Variants in WASF3 observed in about 807,000 individuals in gnomAD.
WASF3 encodes WASP family member 3.
In WASF3, 11 loss-of-function variants were observed where a neutral mutation model predicts 46.6. The ratio of observed to expected loss-of-function variants is 0.24; its 90% CI spans 0.15 to 0.39. The LOEUF (loss-of-function observed/expected upper bound fraction) is 0.39, where lower values mean the gene tolerates loss of function less well. WASF3 is among the 10% of genes least tolerant of loss of function. The pLI, the probability that WASF3 is intolerant of heterozygous loss-of-function variation, is 1.00. For missense variants in WASF3, 576 were observed against 669.8 expected, an observed-to-expected ratio of 0.86 and a Z score of 1.55; for synonymous variants, 242 against 259.7, an observed-to-expected ratio of 0.93 and a Z score of 0.65.
rs1440677370 is a variant in WASF3 at position 26,686,525 on chromosome 13, G to T, written c.*680G>T. On this transcript the variant is annotated 3_prime_UTR_variant, in exon 10 of 10. Coordinates refer to ENST00000335327, the MANE Select transcript of WASF3 (RefSeq NM_006646.6). ...TTTGCTTAGTAAATGCCTGTTGATG[G>T]TTTTTGCAAGAGAATTCAGCAGCTC... 6.6e-6 allele frequency: 1 copy of T among 152,240 alleles called. No individual in the cohort carries two copies. The highest frequency in any genetic ancestry group is 1.5e-5 in the Non-Finnish European group (1 of 68,060). The allele number at this position is 152,240 out of a possible 1,614,324, so 9.4% of individuals were successfully genotyped here. A position where few individuals can be genotyped will look rare whatever the true frequency, so the allele number is the denominator to read the frequency against.
chr13:26,619,620 G>A (rs1381876118), intron 2 of WASF3: 2 of 151,874 alleles, frequency 1.3e-5, no homozygotes, highest in African/African-American at 4.9e-5. Context: ...GAGTAAGATA[G>A]GGGGTCTGAA....
chr13:26,552,842 C>T (rs1207072652), upstream of WASF3, among the ~76,000 whole-genome samples: 3 of 152,196 alleles, frequency 2.0e-5, no homozygotes, highest in East Asian at 5.8e-4. Context: ...ATTGTTTTTC[C>T]ACTAAAGACT....
chr13:26,566,941 A>G (rs1327976892), intron 1 of WASF3, among the ~76,000 whole-genome samples: 1 of 152,242 alleles, frequency 6.6e-6, no homozygotes, highest in Non-Finnish European at 1.5e-5. Flanking sequence ...TTCACCATGC[A>G]TAAAGAAGAT....
intron 1 of WASF3, among the ~76,000 whole-genome samples, chr13:26,574,804 C>T (rs568392621): frequency 6.6e-6 from 1 of 150,546 alleles, no homozygotes; most frequent in Non-Finnish European, 1.5e-5. Context: ...CTAATAGTAC[C>T]ATTGAATTCG....
the WASF3 span, among the ~76,000 whole-genome samples, chr13:26,547,427 C>CAT: frequency 1.4e-5 from 2 of 146,568 alleles, no homozygotes; most frequent in African/African-American, 5.0e-5. Flanking sequence ...CACACACACA[C>CAT]CCATCATATA....
chr13:26,687,726 T>TC lies in WASF3; in HGVS notation c.*1881_*1882insC, dbSNP rs1349430047. 6.6e-6 allele frequency: 1 copy of TC among 151,422 alleles called. No individual in the cohort carries two copies. The highest frequency in any genetic ancestry group is 1.5e-5 in the Non-Finnish European group (1 of 67,826). The allele number at this position is 151,422 out of a possible 1,614,324, so 9.4% of individuals were successfully genotyped here. On this transcript the variant is annotated 3_prime_UTR_variant, in exon 10 of 10. Transcript: ENST00000335327. ...TTTCTAATTTCTCTCTCTCTCTCTT[T>TC]TTTTTTTTTTTGTTGTTGTTAAAAA...
At chr13:26,671,813 T>C in intron 5 of WASF3, 59 bp from the exon 6 acceptor site, 1 of 1,181,246 alleles carries the variant, frequency 8.5e-7, no homozygotes, top group Non-Finnish European at 1.2e-6. Flanking sequence ...AACATTAACC[T>C]ACATATAAAA....
At chr13:26,661,419 A>G (rs1281319489) in intron 3 of WASF3, among the ~76,000 whole-genome samples, 2 of 152,204 alleles carry the variant, frequency 1.3e-5, no homozygotes, top group Non-Finnish European at 2.9e-5. Flanking sequence ...GTCATCCTCA[A>G]GGTTCATCCA....
At chr13:26,594,337 G>A (rs1880394726) in intron 1 of WASF3, among the ~76,000 whole-genome samples, 1 of 152,130 alleles carries the variant, frequency 6.6e-6, no homozygotes, top group Admixed American at 6.6e-5. Context: ...ATCTCCAAAA[G>A]TGTAATTATT....
chr13:26,641,470 G>A (rs1881995243), intron 2 of WASF3: 3 of 152,266 alleles, frequency 2.0e-5, no homozygotes, highest in Admixed American at 6.5e-5. Flanking sequence ...GAGACAATGA[G>A]TGTTGCTAGG....
At chr13:26,550,389 TG>T in the WASF3 span, among the ~76,000 whole-genome samples, 1 of 152,174 alleles carries the variant, frequency 6.6e-6, no homozygotes, top group African/African-American at 2.4e-5. Flanking sequence ...CTTCAGGTGC[TG>T]AAGGGAACAG....
chr13:26,581,353 A>T (rs984097284), intron 1 of WASF3, among the ~76,000 whole-genome samples: 1 of 152,108 alleles, frequency 6.6e-6, no homozygotes, highest in African/African-American at 2.4e-5. Context: ...TAATCTGACT[A>T]TCCTCAGAAG....
intron 3 of WASF3, among the ~76,000 whole-genome samples, chr13:26,656,757 A>G (rs1173761925): frequency 6.6e-6 from 1 of 152,146 alleles, no homozygotes; most frequent in Non-Finnish European, 1.5e-5. Context: ...ACTCACTTTC[A>G]TGGTATTTAA....
intron 1 of WASF3, among the ~76,000 whole-genome samples, chr13:26,583,713 T>A (rs188710837): frequency 2.0e-5 from 3 of 152,358 alleles, no homozygotes; most frequent in Non-Finnish European, 2.9e-5. Context: ...AGAACATCCT[T>A]TTCCCACTTC....
At chr13:26,652,779 A>G (rs1186843748) in intron 3 of WASF3, among the ~76,000 whole-genome samples, 1 of 152,232 alleles carries the variant, frequency 6.6e-6, no homozygotes, top group East Asian at 1.9e-4. Flanking sequence ...ATTGCTAACC[A>G]TGTGGTAGTG....
intron 1 of WASF3, among the ~76,000 whole-genome samples, chr13:26,608,692 T>C (rs1056704346): frequency 4.6e-5 from 7 of 152,294 alleles, no homozygotes; most frequent in Admixed American, 6.5e-5. Context: ...GTTGTAGCAA[T>C]GGGGTATCGA....
the WASF3 span, among the ~76,000 whole-genome samples, chr13:26,539,621 A>G: frequency 6.6e-6 from 1 of 152,160 alleles, no homozygotes; most frequent in African/African-American, 2.4e-5. Flanking sequence ...AGTTGCTAGA[A>G]CTAACCACTG....
At chr13:26,671,306 G>A (rs191457711) in intron 5 of WASF3, among the ~76,000 whole-genome samples, 28 of 152,260 alleles carry the variant, frequency 1.8e-4, no homozygotes, top group Admixed American at 1.2e-3. Context: ...TTTCTGTGTA[G>A]GTTACTTCCA....
At chr13:26,647,822 A>C (rs564999570) in intron 3 of WASF3, among the ~76,000 whole-genome samples, 2 of 152,098 alleles carry the variant, frequency 1.3e-5, no homozygotes, top group Admixed American at 1.3e-4. Flanking sequence ...AAAATTTAGC[A>C]TAGAAACACA....
Sources: allele counts gnomAD v4.1 joint callset (sites outside exome capture counted in the v4.1 genomes callset), GRCh38; gene constraint gnomAD v4.1.1; transcripts MANE v1.5; gene names NCBI Gene and HGNC (gene_info 2026-07-23, HGNC 2026-07-21).